The following CSGALNACT1 variants were observed in gnomAD, a reference collection of about 807,000 sequenced individuals.
CSGALNACT1 encodes chondroitin sulfate N-acetylgalactosaminyltransferase 1.
In CSGALNACT1, 52 loss-of-function variants were observed where a neutral mutation model predicts 51.0. That is an observed-to-expected ratio of 1.02 (90% CI 0.82 to 1.29). The LOEUF is 1.29. Ranked by LOEUF, CSGALNACT1 falls within the 50% of genes most tolerant of loss-of-function variation. The pLI is 0.00. For synonymous variants in CSGALNACT1, 341 were observed against 254.4 expected, an observed-to-expected ratio of 1.34 and a Z score of -3.24; for missense variants, 935 against 679.2, an observed-to-expected ratio of 1.38 and a Z score of -4.19.
At chr8:19,632,939 T>C (rs1019212051) in intron 1 of CSGALNACT1, among the ~76,000 whole-genome samples, 3 of 150,828 alleles carry the variant, frequency 2.0e-5, no homozygotes, top group African/African-American at 7.3e-5. Flanking sequence ...TTCTTTTTTT[T>C]TTTTTTTTGG....
At chr8:19,466,125 G>C (rs1175007228) in intron 4 of CSGALNACT1, among the ~76,000 whole-genome samples, 1 of 152,124 alleles carries the variant, frequency 6.6e-6, no homozygotes. Flanking sequence ...AATTTTGAAA[G>C]GGGGGATTTT....
intron 1 of CSGALNACT1, among the ~76,000 whole-genome samples, chr8:19,626,400 A>T (rs925911316): frequency 1.3e-5 from 2 of 152,120 alleles, no homozygotes; most frequent in South Asian, 2.1e-4. Flanking sequence ...GAAAAAAAAA[A>T]TTTACAATCT....
At chr8:19,637,374 T>C (rs2056211134) in intron 1 of CSGALNACT1, among the ~76,000 whole-genome samples, 2 of 152,230 alleles carry the variant, frequency 1.3e-5, no homozygotes, top group South Asian at 2.1e-4. Context: ...TTCTTTTTTA[T>C]TTACCATATG....
intron 1 of CSGALNACT1, among the ~76,000 whole-genome samples, chr8:19,716,941 C>T (rs1280140473): frequency 1.3e-5 from 2 of 152,164 alleles, no homozygotes; most frequent in Admixed American, 6.5e-5. Flanking sequence ...TAAGGGTCTG[C>T]AATCCTACAC....
rs566730312 is a variant in CSGALNACT1 at position 19,543,117 on chromosome 8, C to T, written c.-296-36987G>A. Among the ~76,000 whole-genome samples, 70 of 152,220 alleles carry T rather than the reference C, an allele frequency of 4.6e-4. 1 individual carries two copies. Among genetic ancestry groups the T allele is most frequent in the Middle Eastern group, 3.4e-3 (1 of 294 alleles). On this transcript the variant is annotated intron_variant, in intron 3 of 9. Coordinates refer to ENST00000454498, the Ensembl canonical transcript of CSGALNACT1. ...TTATAACTAACAAATACTAGGCTCA[C>T]GGAGTTTTCAAAACTAGATGTATAT...
In CSGALNACT1 at chr8:19,639,224, G is replaced by T. The variant is rs576548888; in HGVS notation, c.-543-37359C>A. Among the ~76,000 whole-genome samples the T allele has an allele frequency of 2.0e-5, 3 of 152,228 alleles. No individual in the cohort carries two copies. The South Asian group carries it at 6.2e-4, about 32-fold the overall frequency. ...ACCACAGAACAATCAACAATAACAGGCTTTATGTCCAAATGGGAGAGGAGA... is the reference window on the plus strand; with the variant it reads ...ACCACAGAACAATCAACAATAACAGTCTTTATGTCCAAATGGGAGAGGAGA... On this transcript the variant is annotated intron_variant, in intron 1 of 9. Transcript: ENST00000332246.
chr8:19,440,231 T>C (rs911303282), intron 5 of CSGALNACT1, among the ~76,000 whole-genome samples: 6 of 152,230 alleles, frequency 3.9e-5, no homozygotes, highest in Non-Finnish European at 7.3e-5. Context: ...TGTCATGGAA[T>C]TGGGTCCTTG....
At chr8:19,431,250 T>C (rs112409966) in intron 6 of CSGALNACT1, among the ~76,000 whole-genome samples, 29 of 152,260 alleles carry the variant, frequency 1.9e-4, no homozygotes, top group African/African-American at 6.7e-4. Flanking sequence ...CTTGATCTTA[T>C]GGGGAGAACA....
At chr8:19,449,288 G>A (rs1476357441) in intron 5 of CSGALNACT1, among the ~76,000 whole-genome samples, 2 of 152,130 alleles carry the variant, frequency 1.3e-5, no homozygotes, top group Non-Finnish European at 2.9e-5. Context: ...ATATAGATTA[G>A]CATCTCTCAA....
chr8:19,519,465 C>G (rs1373231736), intron 3 of CSGALNACT1, among the ~76,000 whole-genome samples: 2 of 152,154 alleles, frequency 1.3e-5, no homozygotes, highest in African/African-American at 4.8e-5. Context: ...AACACCAGCA[C>G]AGGGGAAGGC....
intron 1 of CSGALNACT1, among the ~76,000 whole-genome samples, chr8:19,644,404 CAA>C (rs71545561): frequency 1.5e-5 from 2 of 133,538 alleles, no homozygotes; most frequent in African/African-American, 2.8e-5. Context: ...CTTAACCTCT[CAA>C]AAAAAAAAAA....
intron 1 of CSGALNACT1, among the ~76,000 whole-genome samples, chr8:19,617,097 G>C (rs1259666757): frequency 6.6e-6 from 1 of 152,202 alleles, no homozygotes; most frequent in African/African-American, 2.4e-5. Context: ...GAGAGACAAT[G>C]ACAGATCATC....
At chr8:19,448,337 T>C (rs895010500) in intron 5 of CSGALNACT1, among the ~76,000 whole-genome samples, 7 of 152,324 alleles carry the variant, frequency 4.6e-5, no homozygotes, top group African/African-American at 9.6e-5. Flanking sequence ...AGGATGACCA[T>C]GTATGGTCTT....
intron 1 of CSGALNACT1, among the ~76,000 whole-genome samples, chr8:19,653,572 T>A (rs984171404): frequency 6.6e-6 from 1 of 152,108 alleles, no homozygotes; most frequent in Non-Finnish European, 1.5e-5. Flanking sequence ...GAGGTATGGA[T>A]CACTTGACCC....
upstream of CSGALNACT1, chr8:19,682,629 T>G: frequency 2.2e-6 from 1 of 453,932 alleles, no homozygotes; most frequent in Non-Finnish European, 4.4e-6. Context: ...AAAGATTGTG[T>G]AAAATATTCA....
intron 6 of CSGALNACT1, among the ~76,000 whole-genome samples, chr8:19,437,090 G>C (rs57259689): frequency 0.013 from 2,016 of 152,120 alleles, 37 homozygotes; most frequent in African/African-American, 0.046. Flanking sequence ...TGCAGACTTA[G>C]GACAACAGGA....
intron 3 of CSGALNACT1, among the ~76,000 whole-genome samples, chr8:19,586,985 CTTG>C: frequency 6.6e-6 from 1 of 152,168 alleles, no homozygotes; most frequent in East Asian, 1.9e-4. Flanking sequence ...GTCTCATGTG[CTTG>C]TCCTTCAATA....
chr8:19,482,401 G>C (rs567749782), intron 4 of CSGALNACT1, among the ~76,000 whole-genome samples: 2 of 152,010 alleles, frequency 1.3e-5, no homozygotes, highest in East Asian at 3.8e-4. Context: ...CTTGTCCCAC[G>C]GCAACCTTAT....
intron 3 of CSGALNACT1, among the ~76,000 whole-genome samples, chr8:19,515,249 G>A (rs1391668034): frequency 6.6e-6 from 1 of 152,168 alleles, no homozygotes; most frequent in Non-Finnish European, 1.5e-5. Context: ...GTCAGGCCAT[G>A]TGACCAAACT....
Sources: allele counts gnomAD v4.1 joint callset (sites outside exome capture counted in the v4.1 genomes callset), GRCh38; gene constraint gnomAD v4.1.1; transcripts MANE v1.5; gene names NCBI Gene and HGNC (gene_info 2026-07-23, HGNC 2026-07-21).